The following ASTN2 variants were observed in gnomAD, a reference collection of about 807,000 sequenced individuals.
ASTN2 encodes the protein astrotactin-2.
In ASTN2, 54 loss-of-function variants were observed where a neutral mutation model predicts 139.8. The observed-to-expected ratio is 0.39, with a 90% CI of 0.31 to 0.48. The LOEUF (loss-of-function observed/expected upper bound fraction) is 0.48, where lower values mean the gene tolerates loss of function less well. ASTN2 is among the 20% of genes least tolerant of loss of function. The pLI is 0.95. For synonymous variants in ASTN2, 756 were observed against 719.5 expected, an observed-to-expected ratio of 1.05 and a Z score of -0.81; for missense variants, 1,565 against 1,725.1, an observed-to-expected ratio of 0.91 and a Z score of 1.64.
intron 20 of ASTN2, among the ~76,000 whole-genome samples, chr9:116,447,314 C>T (rs1353977370): frequency 6.6e-6 from 1 of 152,306 alleles, no homozygotes; most frequent in East Asian, 1.9e-4. Flanking sequence ...ATATGGTGCA[C>T]ATGTCACACA....
intron 4 of ASTN2, among the ~76,000 whole-genome samples, chr9:117,125,596 A>G (rs1297924748): frequency 6.6e-6 from 1 of 152,240 alleles, no homozygotes; most frequent in African/African-American, 2.4e-5. Flanking sequence ...TTGGCTAAAA[A>G]GGAAATCCTT....
At chr9:116,695,977 A>G (rs115808405) in intron 16 of ASTN2, among the ~76,000 whole-genome samples, 1 of 152,114 alleles carries the variant, frequency 6.6e-6, no homozygotes, top group Non-Finnish European at 1.5e-5. Flanking sequence ...TCACCTTTCA[A>G]ATCTTACTGA....
intron 16 of ASTN2, among the ~76,000 whole-genome samples, chr9:116,714,435 GTC>G (rs766349883): frequency 6.6e-6 from 1 of 152,134 alleles, no homozygotes; most frequent in Non-Finnish European, 1.5e-5. Context: ...GCTTAATTAT[GTC>G]TCATGATAAT....
intron 1 of ASTN2, among the ~76,000 whole-genome samples, chr9:117,358,227 G>A (rs998022561): frequency 6.6e-6 from 1 of 151,526 alleles, no homozygotes; most frequent in Non-Finnish European, 1.5e-5. Context: ...GTAAAGGTCA[G>A]ACAGGTTAGG....
intron 2 of ASTN2, among the ~76,000 whole-genome samples, chr9:117,272,150 T>C (rs1834081252): frequency 6.6e-6 from 1 of 152,152 alleles, no homozygotes; most frequent in African/African-American, 2.4e-5. Context: ...TAGGCAGAGG[T>C]TCCCAAACCT....
intron 17 of ASTN2, among the ~76,000 whole-genome samples, chr9:116,627,672 C>A (rs1856532529): frequency 6.6e-6 from 1 of 152,298 alleles, no homozygotes; most frequent in Non-Finnish European, 1.5e-5. Flanking sequence ...TTCAAGGTCA[C>A]TCGCTAAAAT....
At chr9:116,468,768 G>T (rs1848726279) in intron 20 of ASTN2, among the ~76,000 whole-genome samples, 1 of 152,142 alleles carries the variant, frequency 6.6e-6, no homozygotes, top group African/African-American at 2.4e-5. Context: ...CACTCCTTAG[G>T]TTGGCAAAAT....
intron 5 of ASTN2, among the ~76,000 whole-genome samples, chr9:117,060,328 A>AAGAAAGAAAGAG (rs1839209660): frequency 1.2e-5 from 1 of 81,392 alleles, no homozygotes; most frequent in Non-Finnish European, 2.3e-5. Context: ...AAAAGAAAGA[A>AAGAAAGAAAGAG]AGAAAGAAAG....
At chr9:117,219,072 G>A (rs1325915448) in intron 2 of ASTN2, among the ~76,000 whole-genome samples, 2 of 152,116 alleles carry the variant, frequency 1.3e-5, no homozygotes, top group Non-Finnish European at 1.5e-5. Context: ...GAAGAGTGCC[G>A]TGCACAAGCA....
chr9:116,976,145 T>G lies in ASTN2; in HGVS notation c.1720A>C (p.Thr574Pro). 6.2e-7 allele frequency: 1 copy of G among 1,614,132 alleles called. No individual in the cohort carries two copies. The highest frequency in any genetic ancestry group is 8.5e-7 in the Non-Finnish European group (1 of 1,180,000). ...ATCTTTTCAGGGGCTTGCTCCCCTG[T>G]CACCAGATCATAGCCCCTCTCAAGT... ...TTLERGYDLV[T>P]GEQAPEKILR... Residue 574 changes from threonine to proline, a missense_variant, in exon 9 of 23, where the codon ACA (threonine) becomes CCA (proline). By Grantham distance (38) the Thr-to-Pro change is conservative (BLOSUM62 -1). Around this residue, in one of 4 missense-constraint regions of ASTN2, gnomAD observed 503 missense variants for 591.7 expected, o/e 0.85. Coordinates refer to ENST00000313400, the MANE Select transcript of ASTN2 (RefSeq NM_001365068.1).
intron 16 of ASTN2, among the ~76,000 whole-genome samples, chr9:116,706,376 G>C (rs1478516185): frequency 2.0e-5 from 3 of 151,978 alleles, no homozygotes; most frequent in African/African-American, 7.2e-5. Context: ...ATCTGGACAT[G>C]CCAGTAAGAA....
intron 10 of ASTN2, among the ~76,000 whole-genome samples, chr9:116,878,592 A>C (rs10983391): frequency 0.35 from 52,845 of 151,730 alleles, 9,913 homozygotes; most frequent in East Asian, 0.53. Context: ...TAGCTAATAC[A>C]TGTGGGGCTT....
At chr9:116,497,293 T>G (rs1422777247) in intron 19 of ASTN2, among the ~76,000 whole-genome samples, 1 of 152,204 alleles carries the variant, frequency 6.6e-6, no homozygotes, top group Non-Finnish European at 1.5e-5. Flanking sequence ...AGCAACTGAC[T>G]TGTCTTCCTT....
At chr9:116,673,896 G>T (rs1256602338) in intron 16 of ASTN2, among the ~76,000 whole-genome samples, 1 of 152,186 alleles carries the variant, frequency 6.6e-6, no homozygotes, top group Non-Finnish European at 1.5e-5. Flanking sequence ...CTATGACTGA[G>T]ATAGTGAAAG....
chr9:116,549,348 A>T (rs1403095862), intron 19 of ASTN2, among the ~76,000 whole-genome samples: 1 of 152,204 alleles, frequency 6.6e-6, no homozygotes, highest in Non-Finnish European at 1.5e-5. Flanking sequence ...AAGAAATAAA[A>T]GCCACAACTG....
intron 20 of ASTN2, among the ~76,000 whole-genome samples, chr9:116,466,408 G>A (rs1017922471): frequency 1.3e-5 from 2 of 152,134 alleles, no homozygotes; most frequent in African/African-American, 2.4e-5. Context: ...CTCAGCAAAC[G>A]TTTCTCAAAG....
At chr9:117,151,768 TGA>T (rs1159059847) in intron 3 of ASTN2, among the ~76,000 whole-genome samples, 1 of 152,106 alleles carries the variant, frequency 6.6e-6, no homozygotes, top group African/African-American at 2.4e-5. Flanking sequence ...GAGCTTAAAG[TGA>T]GAGACAATTT....
intron 19 of ASTN2, chr9:116,583,669 T>C (rs1013148572): frequency 6.6e-6 from 1 of 151,760 alleles, no homozygotes; most frequent in Non-Finnish European, 1.5e-5. Context: ...ATAGCTTAAT[T>C]GAAGTTGGAA....
chr9:116,492,531 G>C (rs1849547201), intron 19 of ASTN2, among the ~76,000 whole-genome samples: 1 of 152,150 alleles, frequency 6.6e-6, no homozygotes, highest in Non-Finnish European at 1.5e-5. Context: ...TCAACAGGAG[G>C]AGATTTGGAA....
Sources: allele counts gnomAD v4.1 joint callset (sites outside exome capture counted in the v4.1 genomes callset), GRCh38; gene constraint gnomAD v4.1.1; regional missense constraint gnomAD v4.1.1; transcripts MANE v1.5; gene names NCBI Gene and HGNC (gene_info 2026-07-23, HGNC 2026-07-21).